The following RNFT2 variants were observed in gnomAD, a reference collection of about 807,000 sequenced individuals.
RNFT2 encodes the protein E3 ubiquitin-protein ligase RNFT2.
In RNFT2, 36 loss-of-function variants were observed where a neutral mutation model predicts 53.0. That is an observed-to-expected ratio of 0.68 (90% confidence interval 0.52 to 0.90). RNFT2 has a LOEUF of 0.90. Ranked by LOEUF, RNFT2 falls within the 40% of genes least tolerant of loss-of-function variation. The pLI is 0.00. For missense variants in RNFT2, 514 were observed against 585.6 expected (o/e 0.88, Z 1.26); for synonymous variants, 260 against 253.2 (o/e 1.03, Z -0.26).
chr12:116,792,888 A>G (rs1303821394), intron 7 of RNFT2, among the ~76,000 whole-genome samples: 1 of 152,136 alleles, frequency 6.6e-6, no homozygotes, highest in Admixed American at 6.6e-5. Context: ...TATAATTATT[A>G]TATTGAAAGT....
chr12:116,804,365 T>C (rs1874946617), intron 7 of RNFT2, among the ~76,000 whole-genome samples: 1 of 152,192 alleles, frequency 6.6e-6, no homozygotes, highest in African/African-American at 2.4e-5. Flanking sequence ...AGTCTGTGCC[T>C]TTCTAAATCC....
chr12:116,759,858 T>A (rs1298091307), intron 5 of RNFT2, among the ~76,000 whole-genome samples: 1 of 152,134 alleles, frequency 6.6e-6, no homozygotes, highest in Non-Finnish European at 1.5e-5. Context: ...GAGGTGGCGC[T>A]TTCCAGAGAG....
In RNFT2 at chr12:116,771,697, A is replaced by G. The variant is rs375473841; in HGVS notation, c.728+4783A>G. ...CTCCTACACCCCAAATACATGTCCC[A>G]TGATGTGGGCACCCTCTTCTGTGAC... On this transcript the variant is annotated intron_variant, in intron 6 of 10. Coordinates refer to ENST00000257575, the MANE Select transcript of RNFT2 (RefSeq NM_001382266.1). Among the ~76,000 whole-genome samples, 20 of 152,184 alleles carry G rather than the reference A, an allele frequency of 1.3e-4. No homozygotes were observed. The East Asian group carries it at 3.7e-3, about 28-fold the overall frequency.
chr12:116,779,840 G>A (rs1282661448), intron 7 of RNFT2, among the ~76,000 whole-genome samples: 3 of 152,162 alleles, frequency 2.0e-5, no homozygotes, highest in Admixed American at 6.5e-5. Flanking sequence ...GCTTTGCAGT[G>A]TATCATAGAG....
chr12:116,848,248 G>C (rs530263283), intron 10 of RNFT2, among the ~76,000 whole-genome samples: 1 of 152,258 alleles, frequency 6.6e-6, no homozygotes, highest in Admixed American at 6.5e-5. Flanking sequence ...GTCTATCATT[G>C]ATAAGCATTT....
intron 5 of RNFT2, among the ~76,000 whole-genome samples, chr12:116,756,773 A>T (rs1464344861): frequency 1.3e-5 from 2 of 152,168 alleles, no homozygotes; most frequent in African/African-American, 2.4e-5. Context: ...CATCAAGGAT[A>T]TCCATCTGTA....
intron 7 of RNFT2, among the ~76,000 whole-genome samples, chr12:116,827,234 A>AT: frequency 7.3e-6 from 1 of 136,602 alleles, no homozygotes; most frequent in Non-Finnish European, 1.6e-5. Flanking sequence ...AAAAAAAAAA[A>AT]GAAAGAAAGA....
chr12:116,769,646 T>C (rs1303546367), intron 6 of RNFT2, among the ~76,000 whole-genome samples: 1 of 152,198 alleles, frequency 6.6e-6, no homozygotes, highest in Non-Finnish European at 1.5e-5. Context: ...AGTGTTATTA[T>C]AAAATAGTCA....
intron 10 of RNFT2, among the ~76,000 whole-genome samples, chr12:116,841,924 T>TATATATATAA (rs1877343813): frequency 8.8e-5 from 3 of 34,058 alleles, no homozygotes; most frequent in Non-Finnish European, 8.4e-5. Context: ...TATATAAAAA[T>TATATATATAA]ATATATATAT....
intron 6 of RNFT2, among the ~76,000 whole-genome samples, chr12:116,774,386 A>C (rs1414108829): frequency 2.0e-5 from 3 of 152,254 alleles, no homozygotes; most frequent in Non-Finnish European, 2.9e-5. Context: ...TTAACACCAA[A>C]GAATTAAGTA....
chr12:116,776,476 C>T (rs1435304097), intron 6 of RNFT2, among the ~76,000 whole-genome samples: 2 of 152,168 alleles, frequency 1.3e-5, no homozygotes, highest in Non-Finnish European at 2.9e-5. Flanking sequence ...AAACCTCTCC[C>T]TGTATTATGA....
chr12:116,741,532 G>C (rs1871609455), intron 3 of RNFT2, among the ~76,000 whole-genome samples: 1 of 152,154 alleles, frequency 6.6e-6, no homozygotes, highest in Admixed American at 6.5e-5. Context: ...GTCTTAATGT[G>C]GTGAAGGGAA....
At chr12:116,805,531 G>A (rs7299363) in intron 7 of RNFT2, among the ~76,000 whole-genome samples, 129,239 of 152,006 alleles carry the variant, frequency 0.85, 55,458 homozygotes, top group Non-Finnish European at 0.91. Flanking sequence ...CTGGAGTGCA[G>A]TGGCGCAATC....
At chr12:116,765,955 C>T (rs1359788994) in intron 5 of RNFT2, among the ~76,000 whole-genome samples, 1 of 152,110 alleles carries the variant, frequency 6.6e-6, no homozygotes, top group Non-Finnish European at 1.5e-5. Flanking sequence ...CCTTAGCAAG[C>T]TTTAAATATG....
chr12:116,837,384 G>A (rs138273117), intron 10 of RNFT2, among the ~76,000 whole-genome samples: 15 of 152,188 alleles, frequency 9.9e-5, no homozygotes, highest in East Asian at 1.9e-4. Flanking sequence ...GCAGTGTCTC[G>A]GGGGACTGAG....
chr12:116,780,411 G>T (rs568113813), intron 7 of RNFT2, among the ~76,000 whole-genome samples: 1 of 152,086 alleles, frequency 6.6e-6, no homozygotes, highest in South Asian at 2.1e-4. Context: ...TTCACAATAC[G>T]GTTCCCACTC....
chr12:116,782,346 G>A (rs1281818103), intron 7 of RNFT2: 1 of 151,696 alleles, frequency 6.6e-6, no homozygotes, highest in Non-Finnish European at 1.5e-5. Flanking sequence ...TAAGCCTGCT[G>A]GCGAGACACT....
chr12:116,764,619 C>T (rs1009288044), intron 5 of RNFT2, among the ~76,000 whole-genome samples: 2 of 152,188 alleles, frequency 1.3e-5, no homozygotes, highest in Non-Finnish European at 1.5e-5. Flanking sequence ...GGGGCAAGGA[C>T]AGTGGCTCAC....
chr12:116,779,122 C>T, intron 6 of RNFT2, 73 bp from the exon 7 acceptor site: 2 of 1,515,756 alleles, frequency 1.3e-6, no homozygotes, highest in Non-Finnish European at 1.8e-6. Context: ...TTAGAAGGCT[C>T]CTGAGTGAGT....
Sources: allele counts gnomAD v4.1 joint callset (sites outside exome capture counted in the v4.1 genomes callset), GRCh38; gene constraint gnomAD v4.1.1; transcripts MANE v1.5; gene names NCBI Gene and HGNC (gene_info 2026-07-23, HGNC 2026-07-21).